The following GREB1L variants were observed in gnomAD, a reference collection of about 807,000 sequenced individuals.
The protein encoded by GREB1L is GREB1 like retinoic acid receptor coactivator, also known as GREB1-like protein.
A neutral mutation model predicts 200.8 loss-of-function variants in GREB1L; 17 were observed. The observed-to-expected ratio is 0.08, with a 90% CI of 0.06 to 0.13. The LOEUF (loss-of-function observed/expected upper bound fraction) is 0.13, where lower values mean the gene tolerates loss of function less well. GREB1L is among the 10% of genes least tolerant of loss of function. The pLI, the probability that GREB1L is intolerant of heterozygous loss-of-function variation, is 1.00. For missense variants in GREB1L, 1,657 were observed against 2,367.7 expected (o/e 0.70, Z 6.23); for synonymous variants, 789 against 893.0 (o/e 0.88, Z 2.08).
chr18:21,511,093 G>A (rs544955223), intron 27 of GREB1L, among the ~76,000 whole-genome samples: 36 of 152,076 alleles, frequency 2.4e-4, no homozygotes, highest in Admixed American at 7.2e-4. Flanking sequence ...ATTTTCTCCC[G>A]GCCGGGTACA....
intron 7 of GREB1L, among the ~76,000 whole-genome samples, chr18:21,412,961 T>G (rs1279115089): frequency 6.6e-6 from 1 of 151,888 alleles, no homozygotes; most frequent in Non-Finnish European, 1.5e-5. Flanking sequence ...GTCTTCTGAG[T>G]TTTTCTGTTT....
chr18:21,453,207 A>G (rs2034607202), intron 14 of GREB1L, among the ~76,000 whole-genome samples: 1 of 152,232 alleles, frequency 6.6e-6, no homozygotes, highest in Non-Finnish European at 1.5e-5. Flanking sequence ...ACTGTATTAA[A>G]AGACAGATAT....
chr18:21,393,802 TCCAC>T (rs943928615), intron 4 of GREB1L, among the ~76,000 whole-genome samples: 7 of 152,020 alleles, frequency 4.6e-5, no homozygotes, highest in African/African-American at 1.7e-4. Context: ...CCTTAAGTGA[TCCAC>T]CCACCTCGGC....
rs374639085 is a variant in GREB1L, at chr18:21,448,117, G to A, written c.1394-1393G>A. 3.3e-5 allele frequency among the ~76,000 whole-genome samples: 5 copies of A among 150,012 alleles called. No homozygotes were observed. In the East Asian group the frequency reaches 7.9e-4, roughly 24 times the overall value. ...GTGGAGGTTGCAGTGAGCCGAGATC[G>A]CGCCACTGCACTCCAGCCTGGATGA... On this transcript the variant is annotated intron_variant, in intron 11 of 32. Coordinates refer to ENST00000424526, the MANE Select transcript of GREB1L (RefSeq NM_001142966.3).
At chr18:21,448,180 G>A (rs2034334827) in intron 11 of GREB1L, among the ~76,000 whole-genome samples, 1 of 148,154 alleles carries the variant, frequency 6.7e-6, no homozygotes, top group Non-Finnish European at 1.5e-5. Context: ...AAAAGCAGCA[G>A]CAGCAGCATA....
At chr18:21,246,154 G>T (rs556918129) in intron 1 of GREB1L, among the ~76,000 whole-genome samples, 4 of 152,004 alleles carry the variant, frequency 2.6e-5, no homozygotes, top group African/African-American at 9.7e-5. Flanking sequence ...AAAATTAGAG[G>T]TTGTGGGTTT....
Position 21,499,814 on chromosome 18 carries a change from A to T in GREB1L, c.3477A>T (p.Pro1159=). The T allele has an allele frequency of 6.4e-7, 1 of 1,551,912 alleles. No individual in the cohort carries two copies. ...CCCTGACCCCCAGCTTTCAGAGCCCAGCCACCAGCTTGGGGCTGGATGAAG... is the reference window on the plus strand; with the variant it reads ...CCCTGACCCCCAGCTTTCAGAGCCCTGCCACCAGCTTGGGGCTGGATGAAG... The part of the protein sequence containing the change: ...KQSLTPSFQS[P]ATSLGLDEGV... Residue 1159 remains proline (P), a synonymous_variant, in exon 22 of 33, where the codon CCA becomes CCT. Coordinates refer to ENST00000424526, the MANE Select transcript of GREB1L (RefSeq NM_001142966.3).
chr18:21,479,780 G>GC (rs1191164063), intron 17 of GREB1L, among the ~76,000 whole-genome samples: 3 of 151,878 alleles, frequency 2.0e-5, no homozygotes, highest in African/African-American at 7.3e-5. Context: ...AGGGTCTGAC[G>GC]CCCATGCTGG....
chr18:21,427,804 T>C (rs1019639072), intron 7 of GREB1L, among the ~76,000 whole-genome samples: 5 of 152,344 alleles, frequency 3.3e-5, no homozygotes, highest in African/African-American at 1.2e-4. Flanking sequence ...TAGATGTGTT[T>C]AACTTCTTCC....
At chr18:21,308,623 G>C (rs1319140928) in intron 1 of GREB1L, among the ~76,000 whole-genome samples, 1 of 152,170 alleles carries the variant, frequency 6.6e-6, no homozygotes, top group Non-Finnish European at 1.5e-5. Flanking sequence ...CAGCCTGCCG[G>C]TGTCTCTCAC....
At chr18:21,297,949 A>C (rs2038556068) in intron 1 of GREB1L, among the ~76,000 whole-genome samples, 1 of 151,968 alleles carries the variant, frequency 6.6e-6, no homozygotes, top group Non-Finnish European at 1.5e-5. Flanking sequence ...TCAAAGGAGA[A>C]AGGAAAACAA....
At chr18:21,445,080 G>C (rs1451900814) in intron 11 of GREB1L, among the ~76,000 whole-genome samples, 1 of 152,230 alleles carries the variant, frequency 6.6e-6, no homozygotes, top group Non-Finnish European at 1.5e-5. Context: ...GAGTGGCTTA[G>C]CAGCATTTAC....
In GREB1L at chr18:21,449,796, A is replaced by G. The variant is rs2034427645; in HGVS notation, c.1680A>G (p.Ala560=). 3 of 1,542,696 alleles carry G rather than the reference A, an allele frequency of 1.9e-6. No homozygotes were observed. Among genetic ancestry groups the G allele is most frequent in the East Asian group, 2.5e-5 (1 of 40,720 alleles). Residue 560 remains alanine, a synonymous_variant, in exon 12 of 33, where the codon GCA becomes GCG. Coordinates refer to ENST00000424526, the MANE Select transcript of GREB1L (RefSeq NM_001142966.3). ...CAGATTATGTGGTGGTAATTTGTGC[A>G]TCGAAAATCAGAGGAAATGAATTTT... ...RLPDYVVVIC[A]SKIRGNEFCV...
chr18:21,334,384 TA>T (rs903101721), intron 1 of GREB1L, among the ~76,000 whole-genome samples: 1 of 152,146 alleles, frequency 6.6e-6, no homozygotes, highest in African/African-American at 2.4e-5. Flanking sequence ...TTGAAGATGA[TA>T]AAACTAAAGT....
intron 1 of GREB1L, among the ~76,000 whole-genome samples, chr18:21,246,472 C>G (rs2037604969): frequency 1.3e-5 from 2 of 151,760 alleles, no homozygotes; most frequent in African/African-American, 2.4e-5. Context: ...CATTTTATAC[C>G]TTTCTTTTGC....
At chr18:21,423,312 A>G (rs1184878814) in intron 7 of GREB1L, among the ~76,000 whole-genome samples, 2 of 152,056 alleles carry the variant, frequency 1.3e-5, no homozygotes, top group Admixed American at 6.6e-5. Context: ...ATTTTTTCCT[A>G]TAAACTCTAA....
chr18:21,415,274 G>A (rs1007678522), intron 7 of GREB1L, among the ~76,000 whole-genome samples: 2 of 152,218 alleles, frequency 1.3e-5, no homozygotes, highest in Non-Finnish European at 2.9e-5. Flanking sequence ...CCAGCATTTA[G>A]GAGGCTGAGG....
In GREB1L at chr18:21,513,172, G is replaced by A. The variant is rs549493429; in HGVS notation, c.4736-649G>A. 5.3e-5 allele frequency among the ~76,000 whole-genome samples: 8 copies of A among 152,310 alleles called. No homozygotes were observed. The South Asian group carries it at 1.7e-3, about 32-fold the overall frequency. Reference sequence around the variant, plus strand: ...TTGTTCAGGGTCACATGGCTAGAAAGTGGTGGAATTAGGATTCAAAATCAG... The same window carrying A: ...TTGTTCAGGGTCACATGGCTAGAAAATGGTGGAATTAGGATTCAAAATCAG... On this transcript the variant is annotated intron_variant, in intron 27 of 32. Coordinates refer to ENST00000424526, the MANE Select transcript of GREB1L (RefSeq NM_001142966.3).
At chr18:21,397,648 C>A (rs1253498267) in intron 5 of GREB1L, among the ~76,000 whole-genome samples, 2 of 152,048 alleles carry the variant, frequency 1.3e-5, no homozygotes, top group East Asian at 3.9e-4. Flanking sequence ...TTGCAGTGAG[C>A]CAAGATGGCG....
Sources: gnomAD v4.1 joint callset for allele counts (sites outside exome capture counted in the v4.1 genomes callset) on GRCh38, gnomAD v4.1.1 for gene constraint, MANE v1.5 for transcripts, NCBI Gene and HGNC (gene_info 2026-07-23, HGNC 2026-07-21) for gene names.